Variants in RNF216 observed in about 807,000 individuals in gnomAD.
RNF216 encodes the protein E3 ubiquitin-protein ligase RNF216.
A neutral mutation model predicts 110.8 loss-of-function variants in RNF216; 72 were observed. The observed-to-expected ratio is 0.65, with a 90% CI of 0.54 to 0.79. The LOEUF (loss-of-function observed/expected upper bound fraction) is 0.79. Ranked by LOEUF, RNF216 falls within the 30% of genes least tolerant of loss-of-function variation. The probability of loss-of-function intolerance (pLI) is 0.00; values close to 1 mark genes in which losing one functional copy is unlikely to be tolerated. For synonymous variants in RNF216, 495 were observed against 407.5 expected, an observed-to-expected ratio of 1.21 and a Z score of -2.59; for missense variants, 1,342 against 1,141.2, an observed-to-expected ratio of 1.18 and a Z score of -2.54.
At chr7:5,644,590 C>T (rs1024723520) in intron 14 of RNF216, among the ~76,000 whole-genome samples, 1 of 151,774 alleles carries the variant, frequency 6.6e-6, no homozygotes, top group African/African-American at 2.4e-5. Context: ...ACTGCAACTT[C>T]CGCCTCCTGG....
rs139976080 is a variant in RNF216 at position 5,695,564 on chromosome 7, G to A, written c.2061+16197C>T. 4.3e-4 allele frequency among the ~76,000 whole-genome samples: 65 copies of A among 152,332 alleles called. No homozygotes were observed. In the East Asian group the frequency reaches 9.3e-3, roughly 22 times the overall value. On this transcript the variant is annotated intron_variant, in intron 13 of 16. Transcript: ENST00000389902. ...CTCTCTCTGCAGAGCAGAAGACACC[G>A]CAGCTATAGACAAGTTCTATTGCCC...
intron 3 of RNF216, among the ~76,000 whole-genome samples, chr7:5,748,134 C>T (rs1431623718): frequency 2.6e-5 from 4 of 152,194 alleles, no homozygotes; most frequent in African/African-American, 9.7e-5. Context: ...CCCACTACAA[C>T]TCTTAACACA....
intron 1 of RNF216, among the ~76,000 whole-genome samples, chr7:5,779,314 G>A (rs1383069196): frequency 6.6e-6 from 1 of 152,086 alleles, no homozygotes; most frequent in African/African-American, 2.4e-5. Context: ...GCTCTAATCA[G>A]GGTAAAAATC....
At chr7:5,629,820 C>G (rs1419247690) in intron 15 of RNF216, among the ~76,000 whole-genome samples, 1 of 91,890 alleles carries the variant, frequency 1.1e-5, no homozygotes, top group East Asian at 4.4e-4. Flanking sequence ...GAGCAAGACT[C>G]TGTCTCAAAA....
At chr7:5,628,159 G>A (rs947851800) in intron 15 of RNF216, among the ~76,000 whole-genome samples, 2 of 152,102 alleles carry the variant, frequency 1.3e-5, no homozygotes, top group African/African-American at 2.4e-5. Flanking sequence ...CCACCCCAGA[G>A]CCTTTCTTCC....
At position 5,716,747 on chromosome 7, in the gene RNF216, G is replaced by T; in HGVS notation, c.1664C>A (p.Ala555Asp). 6.2e-7 allele frequency: 1 copy of T among 1,606,008 alleles called. No individual in the cohort carries two copies. Residue 555 changes from alanine to aspartate, a missense_variant, in exon 10 of 17, where the codon GCC becomes GAC. Coordinates refer to ENST00000389902, the MANE Select transcript of RNF216 (RefSeq NM_207111.4). ...EMAEHEDFLL[A>D]LQMNEEQYQK... ...ATACTGTTCTTCATTCATCTGTAGG[G>T]CAAGCAAAAAGTCTTCATGCTGAAG... is the stretch of plus-strand genomic sequence containing the variant.
chr7:5,694,560 G>A (rs1791512618), intron 13 of RNF216, among the ~76,000 whole-genome samples: 1 of 152,210 alleles, frequency 6.6e-6, no homozygotes, highest in South Asian at 2.1e-4. Flanking sequence ...CAGAATTAAG[G>A]TAAGTTTAAA....
intron 13 of RNF216, among the ~76,000 whole-genome samples, chr7:5,664,867 C>T (rs1789405532): frequency 6.6e-6 from 1 of 152,202 alleles, no homozygotes; most frequent in Admixed American, 6.5e-5. Flanking sequence ...ACAATCTTGG[C>T]TCACCGCAAC....
intron 5 of RNF216, among the ~76,000 whole-genome samples, chr7:5,734,656 T>C (rs1330954296): frequency 6.7e-6 from 1 of 148,704 alleles, no homozygotes; most frequent in African/African-American, 2.6e-5. Context: ...TAAAAAATGC[T>C]TTAAGAGTTT....
intron 9 of RNF216, among the ~76,000 whole-genome samples, chr7:5,717,379 T>C (rs1793132032): frequency 6.6e-6 from 1 of 152,008 alleles, no homozygotes; most frequent in African/African-American, 2.4e-5. Context: ...ATACAAAAAC[T>C]AAGTTTAACA....
chr7:5,674,432 C>T (rs1327564152), intron 13 of RNF216, among the ~76,000 whole-genome samples: 1 of 151,178 alleles, frequency 6.6e-6, no homozygotes, highest in Non-Finnish European at 1.5e-5. Flanking sequence ...GCTAGGATTA[C>T]AGGAGTGAGC....
At position 5,729,510 on chromosome 7, in the gene RNF216, G is replaced by C. The variant is rs150346784; in HGVS notation, c.1311C>G (p.Ala437=). 3 of 1,614,130 alleles carry C rather than the reference G, an allele frequency of 1.9e-6. No homozygotes were observed. Among genetic ancestry groups the C allele is most frequent in the Non-Finnish European group, 2.5e-6 (3 of 1,180,012 alleles). Residue 437 remains alanine, a synonymous_variant, in exon 7 of 17, where the codon GCC becomes GCG. Coordinates refer to ENST00000389902, the MANE Select transcript of RNF216 (RefSeq NM_207111.4). The part of the protein sequence containing the change: ...CFIQAADLLM[A]DFKVLSSQDI... ...CCTGACTACTGAGCACTTTGAAGTC[G>C]GCCATGAGGAGGTCAGCAGCTTGGA...
At chr7:5,764,566 T>C (rs1562473930) in intron 1 of RNF216, among the ~76,000 whole-genome samples, 1 of 151,788 alleles carries the variant, frequency 6.6e-6, no homozygotes, top group Non-Finnish European at 1.5e-5. Flanking sequence ...GAGAATCGCT[T>C]GAACCCGGGA....
intron 14 of RNF216, among the ~76,000 whole-genome samples, chr7:5,651,229 C>CT (rs955863686): frequency 4.6e-3 from 659 of 144,464 alleles, no homozygotes; most frequent in Non-Finnish European, 5.2e-3. Context: ...ACAATCTTCT[C>CT]TTTTTTTTTT....
At chr7:5,647,520 G>A (rs1788128786) in intron 14 of RNF216, among the ~76,000 whole-genome samples, 1 of 151,778 alleles carries the variant, frequency 6.6e-6, no homozygotes, top group African/African-American at 2.4e-5. Flanking sequence ...TTTCTGTACA[G>A]AGAGGGTCTC....
intron 1 of RNF216, chr7:5,767,048 T>C (rs1330389141): frequency 1.3e-5 from 2 of 152,236 alleles, no homozygotes; most frequent in Non-Finnish European, 2.9e-5. Context: ...AAGAACCCTA[T>C]AATCCTGGCA....
intron 15 of RNF216, among the ~76,000 whole-genome samples, chr7:5,638,197 A>C (rs992889493): frequency 2.6e-5 from 4 of 152,182 alleles, no homozygotes; most frequent in African/African-American, 7.2e-5. Flanking sequence ...CGATGTGAAA[A>C]TCTTCCTGTT....
chr7:5,675,890 G>A (rs1483883128), intron 13 of RNF216, among the ~76,000 whole-genome samples: 1 of 151,868 alleles, frequency 6.6e-6, no homozygotes, highest in Non-Finnish European at 1.5e-5. Flanking sequence ...TGTATTTTTA[G>A]TAGAGACGGG....
chr7:5,775,037 T>C (rs925555757), intron 1 of RNF216: 1 of 152,200 alleles, frequency 6.6e-6, no homozygotes, highest in Non-Finnish European at 1.5e-5. Flanking sequence ...TAAGTCACTG[T>C]GCCTGGCCTC....
Sources: allele counts gnomAD v4.1 joint callset (sites outside exome capture counted in the v4.1 genomes callset), GRCh38; gene constraint gnomAD v4.1.1; transcripts MANE v1.5; gene names NCBI Gene and HGNC (gene_info 2026-07-23, HGNC 2026-07-21).